MCTP1: variants seen among roughly 807,000 people sequenced by gnomAD.
The protein encoded by MCTP1 is multiple C2 and transmembrane domain-containing protein 1.
In MCTP1, 69 loss-of-function variants were observed where a neutral mutation model predicts 120.6. The ratio of observed to expected loss-of-function variants is 0.57; its 90% CI spans 0.47 to 0.70. The LOEUF is 0.70. Among genes scored for constraint, MCTP1 ranks in the 30% least tolerant of loss-of-function variants. MCTP1 has a pLI of 0.00. For synonymous variants in MCTP1, 529 were observed against 493.1 expected (o/e 1.07, Z -0.96); for missense variants, 1,203 against 1,248.8 (o/e 0.96, Z 0.55).
intron 1 of MCTP1, among the ~76,000 whole-genome samples, chr5:95,182,527 A>T (rs561641277): frequency 6.6e-6 from 1 of 152,308 alleles, no homozygotes; most frequent in African/African-American, 2.4e-5. Context: ...ATACTTTCAT[A>T]ACTTTAAGCA....
chr5:94,836,477 T>C (rs190265323), intron 17 of MCTP1, among the ~76,000 whole-genome samples: 189 of 152,330 alleles, frequency 1.2e-3, no homozygotes, highest in Non-Finnish European at 9.6e-4. Flanking sequence ...GCTGTATTTC[T>C]TCACCTTCTT....
At chr5:94,964,401 T>G (rs1382448933) in intron 2 of MCTP1, among the ~76,000 whole-genome samples, 1 of 152,168 alleles carries the variant, frequency 6.6e-6, no homozygotes, top group African/African-American at 2.4e-5. Flanking sequence ...TGATGTTTCC[T>G]TATTGATTTT....
chr5:94,715,314 G>A (rs1481403572), intron 19 of MCTP1, among the ~76,000 whole-genome samples: 2 of 127,482 alleles, frequency 1.6e-5, no homozygotes, highest in African/African-American at 6.0e-5. Flanking sequence ...AGATATTTCA[G>A]CAGCAGAGAA....
intron 17 of MCTP1, among the ~76,000 whole-genome samples, chr5:94,864,539 T>G (rs1248713656): frequency 6.6e-6 from 1 of 151,912 alleles, no homozygotes; most frequent in Admixed American, 6.6e-5. Flanking sequence ...TGATCAATAC[T>G]TTGTCTCTCT....
intron 2 of MCTP1, among the ~76,000 whole-genome samples, chr5:94,986,719 C>T (rs1451042891): frequency 7.9e-5 from 12 of 152,138 alleles, no homozygotes; most frequent in Admixed American, 7.9e-4. Flanking sequence ...TCATGTTGGC[C>T]AGGCTGGTCT....
chr5:95,043,007 T>C (rs1333430704), intron 1 of MCTP1, among the ~76,000 whole-genome samples: 1 of 152,156 alleles, frequency 6.6e-6, no homozygotes, highest in Non-Finnish European at 1.5e-5. Flanking sequence ...TAAATTCTAA[T>C]CACTAAATTT....
chr5:95,284,253 T>C lies in MCTP1; in HGVS notation c.323A>G (p.Glu108Gly). Residue 108 changes from glutamate (E) to glycine (G), a missense_variant, in exon 1 of 23, where the codon GAG becomes GGG. Glu to Gly is a moderately conservative substitution (Grantham distance 98). Around this residue, in one of 2 missense-constraint regions of MCTP1, gnomAD observed 463 missense variants for 377.8 expected, o/e 1.23. Transcript: ENST00000515393. The surrounding 1 kb of genome is among the most constrained non-coding windows in gnomAD (Gnocchi z 5.2). ...CTCGGCTCTGCCGGCGCCGCCGGGC[T>C]CCAGGGGCTCCGGCGACGAGCAGCA... Reference protein sequence around the residue: ...NLCCSSPEPLEPGGAGRAEQG... With the variant: ...NLCCSSPEPLGPGGAGRAEQG... The C allele has an allele frequency of 6.3e-7, 1 of 1,590,014 alleles. No homozygotes were observed. The highest frequency in any genetic ancestry group is 1.4e-5 in the African/African-American group (1 of 73,692).
At position 95,284,124 on chromosome 5, in the gene MCTP1, C is replaced by T. The variant is rs919482453; in HGVS notation, c.452G>A (p.Arg151His). 6.5e-7 allele frequency: 1 copy of T among 1,549,574 alleles called. No homozygotes were observed. Residue 151 changes from arginine (R) to histidine (H), a missense_variant, in exon 1 of 23, where the codon CGC (arginine) becomes CAC (histidine). By Grantham distance (29) the Arg-to-His change is conservative. Around this residue, in one of 2 missense-constraint regions of MCTP1, gnomAD observed 463 missense variants for 377.8 expected, o/e 1.23. Transcript: ENST00000515393. This position sits in a 1 kb window ranked among gnomAD's most constrained non-coding sequence, Gnocchi z 5.2. ...AGAGGAAGGAGCTGAGTCGGGGGAGCGTCCGCCAGGAGGCGTCCCTCCCGC... is the reference window on the plus strand; with the variant it reads ...AGAGGAAGGAGCTGAGTCGGGGGAGTGTCCGCCAGGAGGCGTCCCTCCCGC... ...GAAGGTPPGG[R>H]SPDSAPSSSS...
At chr5:95,116,666 G>A (rs926577363) in intron 1 of MCTP1, among the ~76,000 whole-genome samples, 2 of 151,920 alleles carry the variant, frequency 1.3e-5, no homozygotes, top group African/African-American at 4.8e-5. Flanking sequence ...TCCTATCCAT[G>A]AGCATGGAAT....
intron 2 of MCTP1, among the ~76,000 whole-genome samples, chr5:94,987,760 GGGGCAGTGT>G (rs1427188129): frequency 2.0e-5 from 3 of 152,102 alleles, no homozygotes; most frequent in South Asian, 4.2e-4. Context: ...ACTTTTTTAG[GGGGCAGTGT>G]GGGCAGTGTA....
intron 1 of MCTP1, among the ~76,000 whole-genome samples, chr5:95,088,880 T>G (rs1390134180): frequency 1.3e-5 from 2 of 152,104 alleles, no homozygotes; most frequent in Non-Finnish European, 2.9e-5. Context: ...GGATTCAAAC[T>G]CCATCATTTG....
intron 3 of MCTP1, among the ~76,000 whole-genome samples, chr5:94,950,275 G>A (rs929411795): frequency 1.3e-5 from 2 of 152,080 alleles, no homozygotes; most frequent in African/African-American, 4.8e-5. Flanking sequence ...ATGTAAAAAT[G>A]TAAGTAAAGT....
intron 17 of MCTP1, among the ~76,000 whole-genome samples, chr5:94,836,030 A>C (rs1789666189): frequency 6.6e-6 from 1 of 151,738 alleles, no homozygotes; most frequent in Admixed American, 6.6e-5. Context: ...CAAACAAAAA[A>C]TTAGCCAGGC....
intron 1 of MCTP1, among the ~76,000 whole-genome samples, chr5:95,094,056 T>C (rs987693678): frequency 6.6e-6 from 1 of 152,192 alleles, no homozygotes; most frequent in African/African-American, 2.4e-5. Context: ...CCCAGTTGAG[T>C]GATGCTGTGC....
intron 1 of MCTP1, among the ~76,000 whole-genome samples, chr5:95,228,449 G>A (rs1754534344): frequency 7.1e-6 from 1 of 140,244 alleles, no homozygotes. Context: ...CAAAAACTTA[G>A]AAAAACTTCC....
chr5:94,999,648 A>C (rs1833285898), intron 2 of MCTP1, among the ~76,000 whole-genome samples: 3 of 152,188 alleles, frequency 2.0e-5, no homozygotes, highest in Admixed American at 1.3e-4. Flanking sequence ...AAACAAAGAA[A>C]ATTTGTCATC....
chr5:95,233,180 C>T (rs1222885047), intron 1 of MCTP1, among the ~76,000 whole-genome samples: 1 of 152,092 alleles, frequency 6.6e-6, no homozygotes, highest in Non-Finnish European at 1.5e-5. Context: ...ACAGACAATA[C>T]CCTGAGCCAT....
chr5:94,803,557 C>G (rs1249836642), intron 17 of MCTP1, among the ~76,000 whole-genome samples: 2 of 152,142 alleles, frequency 1.3e-5, no homozygotes, highest in African/African-American at 4.8e-5. Flanking sequence ...AGCAATTAAG[C>G]CGATGCTTGA....
chr5:94,946,742 A>C (rs1819032301), intron 3 of MCTP1, among the ~76,000 whole-genome samples: 1 of 152,046 alleles, frequency 6.6e-6, no homozygotes, highest in South Asian at 2.1e-4. Flanking sequence ...CACCTTACAA[A>C]CTGACATCCC....
Sources: allele counts gnomAD v4.1 joint callset (sites outside exome capture counted in the v4.1 genomes callset), GRCh38; gene constraint gnomAD v4.1.1; regional missense constraint gnomAD v4.1.1; non-coding constraint Gnocchi (gnomAD v3.1); transcripts MANE v1.5; gene names NCBI Gene and HGNC (gene_info 2026-07-23, HGNC 2026-07-21).